Variants in PTGES observed in about 807,000 individuals in gnomAD.
The protein encoded by PTGES is prostaglandin E synthase.
A neutral mutation model predicts 11.8 loss-of-function variants in PTGES; 3 were observed. The observed-to-expected ratio is 0.25, with a 90% CI of 0.12 to 0.66. PTGES has a LOEUF of 0.66. PTGES is among the 30% of genes least tolerant of loss of function. The pLI is 0.82. For synonymous variants in PTGES, 94 were observed against 90.4 expected (o/e 1.04, Z -0.22); for missense variants, 180 against 213.0 (o/e 0.85, Z 0.96).
At chr9:129,748,028 A>G (rs963549775) in intron 2 of PTGES, among the ~76,000 whole-genome samples, 1 of 149,098 alleles carries the variant, frequency 6.7e-6, no homozygotes, top group African/African-American at 2.5e-5. Flanking sequence ...AAAAAAAAAA[A>G]AAAAAAAAGA....
chr9:129,742,265 C>T (rs112280846), intron 2 of PTGES, among the ~76,000 whole-genome samples: 2,248 of 144,244 alleles, frequency 0.016, 56 homozygotes, highest in African/African-American at 0.056. Flanking sequence ...GTGGAGGTTG[C>T]AGTGAGCCAA....
At chr9:129,743,415 A>AT (rs939144626) in intron 2 of PTGES, among the ~76,000 whole-genome samples, 3 of 152,070 alleles carry the variant, frequency 2.0e-5, no homozygotes, top group African/African-American at 7.2e-5. Flanking sequence ...AATAATAACC[A>AT]TTTTTTTAAG....
At chr9:129,742,486 C>CA (rs765955911) in intron 2 of PTGES, among the ~76,000 whole-genome samples, 5 of 152,168 alleles carry the variant, frequency 3.3e-5, no homozygotes, top group Non-Finnish European at 7.4e-5. Flanking sequence ...CTGCCTGTCA[C>CA]AAGTGATTCA....
chr9:129,743,599 G>A (rs562382440), intron 2 of PTGES, among the ~76,000 whole-genome samples: 5 of 152,150 alleles, frequency 3.3e-5, no homozygotes, highest in African/African-American at 7.2e-5. Context: ...GCTGCTGGCC[G>A]CTCCACAGGG....
chr9:129,748,850 C>T (rs1431478573), intron 1 of PTGES, 113 bp from the exon 2 acceptor site: 2 of 828,848 alleles, frequency 2.4e-6, no homozygotes, highest in Non-Finnish European at 1.8e-6. Context: ...TGCAGTTGCA[C>T]ACACACCCAT....
Position 129,745,039 on chromosome 9 carries a change from T to G in PTGES, c.209+3616A>C, listed in dbSNP as rs1350797140. On this transcript the variant is annotated intron_variant, in intron 2 of 2. Transcript: ENST00000340607. The surrounding 1 kb of genome is among the most constrained non-coding windows in gnomAD (Gnocchi z 4.2). Reference sequence around the variant, plus strand: ...TTCACTATGTACAAAATGTACATGCTGGATGACATCTAAGGGACTTCTAGG... The same window carrying G: ...TTCACTATGTACAAAATGTACATGCGGGATGACATCTAAGGGACTTCTAGG... Among the ~76,000 whole-genome samples, 2 of 152,174 alleles carry G rather than the reference T, an allele frequency of 1.3e-5. No individual in the cohort carries two copies. The highest frequency in any genetic ancestry group is 2.9e-5 in the Non-Finnish European group (2 of 68,028).
Position 129,748,536 on chromosome 9 carries a change from A to G in PTGES, c.209+119T>C, listed in dbSNP as rs923609282. On this transcript the variant is annotated intron_variant, in intron 2 of 2. Coordinates refer to ENST00000340607, the MANE Select transcript of PTGES (RefSeq NM_004878.5). ...GAATAAAGTAAAACAGTCAGAGAAG[A>G]TCAGGAACACAGAAAACCTCAGCCC... 96 of 718,374 alleles carry G rather than the reference A, an allele frequency of 1.3e-4. No homozygotes were observed. In the South Asian group the frequency reaches 2.2e-3, roughly 16 times the overall value. 44.5% of individuals were successfully genotyped at this position (718,374 alleles called of 1,614,324 possible).
chr9:129,748,709 C>T lies in PTGES; in HGVS notation c.155G>A (p.Arg52Lys), dbSNP rs2130954290. 1 of 1,590,004 alleles carries T rather than the reference C, an allele frequency of 6.3e-7. No individual in the cohort carries two copies. Among genetic ancestry groups the T allele is most frequent in the Non-Finnish European group, 8.5e-7 (1 of 1,171,640 alleles). The stretch of plus-strand genomic sequence containing the variant: ...CCTGCAATACTGGGGGCCTCCGTGT[C>T]TCAGGGCATCCTCGGGGTTGGCAAA... ...KAFANPEDAL[R>K]HGGPQYCRSD... The change falls in exon 2 of 3, where the codon AGA becomes AAA. Residue 52 changes from arginine (R) to lysine (K), a missense_variant. By Grantham distance (26) the Arg-to-Lys change is conservative (BLOSUM62 2). Coordinates refer to ENST00000340607, the MANE Select transcript of PTGES (RefSeq NM_004878.5).
At chr9:129,750,634 C>G (rs2130955330) in intron 1 of PTGES, among the ~76,000 whole-genome samples, 1 of 152,310 alleles carries the variant, frequency 6.6e-6, no homozygotes, top group South Asian at 2.1e-4. Flanking sequence ...GGGTGGAGGC[C>G]AGCCTTTGGT....
At chr9:129,752,736 G>T in intron 1 of PTGES, 151 bp downstream of exon 1, 1 of 1,191,884 alleles carries the variant, frequency 8.4e-7, no homozygotes, top group Non-Finnish European at 1.2e-6. Flanking sequence ...ACGTGGGACT[G>T]GCAGGAAGCC....
chr9:129,752,027 A>C (rs776181722), intron 1 of PTGES, among the ~76,000 whole-genome samples: 1 of 152,176 alleles, frequency 6.6e-6, no homozygotes, highest in Non-Finnish European at 1.5e-5. Flanking sequence ...CCCTGCCTTT[A>C]ATCCTGCCTG....
At chr9:129,744,721 A>G (rs1057449680) in intron 2 of PTGES, among the ~76,000 whole-genome samples, 2 of 151,734 alleles carry the variant, frequency 1.3e-5, no homozygotes, top group Non-Finnish European at 2.9e-5. Flanking sequence ...TACTAAAAAT[A>G]CAAACATTAG....
At chr9:129,747,412 A>G (rs2130953485) in intron 2 of PTGES, among the ~76,000 whole-genome samples, 1 of 152,298 alleles carries the variant, frequency 6.6e-6, no homozygotes, top group East Asian at 1.9e-4. Flanking sequence ...TTTCAGTATT[A>G]CCCAAATCGT....
intron 2 of PTGES, among the ~76,000 whole-genome samples, chr9:129,748,295 G>A (rs1470369665): frequency 2.0e-5 from 3 of 151,486 alleles, no homozygotes; most frequent in East Asian, 1.9e-4. Flanking sequence ...CGGGAAAAGC[G>A]TGGCACACAT....
At chr9:129,744,012 T>C (rs58479119) in intron 2 of PTGES, among the ~76,000 whole-genome samples, 14,232 of 152,130 alleles carry the variant, frequency 0.094, 719 homozygotes, top group East Asian at 0.2. Context: ...CCACGCCTGG[T>C]TAATTTTTGT....
At chr9:129,749,141 C>G (rs139451249) in intron 1 of PTGES, among the ~76,000 whole-genome samples, 1 of 152,340 alleles carries the variant, frequency 6.6e-6, no homozygotes, top group African/African-American at 2.4e-5. Context: ...CCAGTAATCC[C>G]AGCACTTCGG....
intron 2 of PTGES, among the ~76,000 whole-genome samples, chr9:129,742,339 A>C (rs1326724525): frequency 1.3e-5 from 2 of 150,494 alleles, no homozygotes; most frequent in Non-Finnish European, 2.9e-5. Flanking sequence ...AAAAAAAAAA[A>C]AAAAAAAAAA....
At position 129,744,877 on chromosome 9, in the gene PTGES, CAA is replaced by C. The variant is rs35083107; in HGVS notation, c.209+3776_209+3777del. Among the ~76,000 whole-genome samples the C allele has an allele frequency of 3.4e-4, 48 of 143,138 alleles. No homozygotes were observed. The South Asian group carries it at 8.8e-3, about 26-fold the overall frequency. 93.9% of individuals were successfully genotyped at this position (143,138 alleles called of 152,430 possible). A position where few individuals can be genotyped will look rare whatever the true frequency, so the allele number is the denominator to read the frequency against. Reference sequence around the variant, plus strand: ...GGGCAACAAGAGTGAAAGTCCATCTCAAAAAAAAAAAAAATTTTTTTTGAGTA... The same window carrying C: ...GGGCAACAAGAGTGAAAGTCCATCTCAAAAAAAAAAAATTTTTTTTGAGTA... On this transcript the variant is annotated intron_variant, in intron 2 of 2. Transcript: ENST00000340607.
intron 2 of PTGES, among the ~76,000 whole-genome samples, chr9:129,741,293 G>A: frequency 6.6e-6 from 1 of 152,240 alleles, no homozygotes; most frequent in Admixed American, 6.5e-5. Context: ...CATGGCTACA[G>A]TGCGGTGCAC....
Sources: gnomAD v4.1 joint callset for allele counts (sites outside exome capture counted in the v4.1 genomes callset) on GRCh38, gnomAD v4.1.1 for gene constraint, Gnocchi (gnomAD v3.1) non-coding constraint, MANE v1.5 for transcripts, NCBI Gene and HGNC (gene_info 2026-07-23, HGNC 2026-07-21) for gene names.